The following TMPRSS7 variants were observed in gnomAD, a reference collection of about 807,000 sequenced individuals.
TMPRSS7 encodes the protein transmembrane protease serine 7.
In TMPRSS7, 81 loss-of-function variants were observed where a neutral mutation model predicts 95.6. The ratio of observed to expected loss-of-function variants is 0.85; its 90% CI spans 0.71 to 1.02. The LOEUF (loss-of-function observed/expected upper bound fraction) is 1.02, where lower values mean the gene tolerates loss of function less well. Among genes scored for constraint, TMPRSS7 ranks in the 50% least tolerant of loss-of-function variants. The pLI is 0.00. For missense variants in TMPRSS7, 945 were observed against 955.2 expected (o/e 0.99, Z 0.14); for synonymous variants, 364 against 337.8 (o/e 1.08, Z -0.85).
At chr3:112,042,878 C>A in intron 3 of TMPRSS7, 1 of 388,176 alleles carries the variant, frequency 2.6e-6, no homozygotes, top group South Asian at 1.9e-5. Context: ...TGGCTCTTGG[C>A]ACATATTACC....
intron 9 of TMPRSS7, among the ~76,000 whole-genome samples, chr3:112,052,383 T>A (rs2073375727): frequency 6.6e-6 from 1 of 151,704 alleles, no homozygotes; most frequent in South Asian, 2.1e-4. Flanking sequence ...TTGTGCATAG[T>A]CATAATAGTT....
In TMPRSS7 at chr3:112,047,979, G is replaced by T; in HGVS notation, c.959+12G>T. On this transcript the variant is annotated intron_variant, in intron 7 of 17. Coordinates refer to ENST00000452346, the Ensembl canonical transcript of TMPRSS7. Reference sequence around the variant, plus strand: ...AGCATCTTGTACAGGTACGATGCAGGTACTCTTCTTGGTGGGTAAAAATAT... The same window carrying T: ...AGCATCTTGTACAGGTACGATGCAGTTACTCTTCTTGGTGGGTAAAAATAT... 1 of 1,605,570 alleles carries T rather than the reference G, an allele frequency of 6.2e-7. No individual in the cohort carries two copies. Among genetic ancestry groups the T allele is most frequent in the Non-Finnish European group, 8.5e-7 (1 of 1,172,404 alleles).
At chr3:112,052,965 T>G (rs1432340186) in intron 9 of TMPRSS7, among the ~76,000 whole-genome samples, 1 of 151,388 alleles carries the variant, frequency 6.6e-6, no homozygotes, top group Non-Finnish European at 1.5e-5. Context: ...GACATCCCAG[T>G]GAGCAAGTGA....
chr3:112,051,668 CA>C (rs1198835587), intron 9 of TMPRSS7, among the ~76,000 whole-genome samples: 1 of 127,998 alleles, frequency 7.8e-6, no homozygotes, highest in Non-Finnish European at 1.6e-5. Flanking sequence ...ATCTATCTAT[CA>C]TCTATCTATC....
exon 11 of TMPRSS7, chr3:112,061,915 T>C: frequency 6.2e-7 from 1 of 1,608,866 alleles, no homozygotes; most frequent in South Asian, 1.1e-5. Flanking sequence ...AGTTACAACA[T>C]CAGTCAACGT....
intron 7 of TMPRSS7, 84 bp from the exon 8 acceptor site, chr3:112,049,760 A>T: frequency 8.4e-7 from 1 of 1,190,784 alleles, no homozygotes; most frequent in South Asian, 2.1e-5. Flanking sequence ...ATGGCCCAGG[A>T]AATGTGTGGA....
At chr3:112,068,147 T>G (rs929841474) in intron 13 of TMPRSS7, among the ~76,000 whole-genome samples, 2 of 152,202 alleles carry the variant, frequency 1.3e-5, no homozygotes, top group Non-Finnish European at 2.9e-5. Flanking sequence ...ATGTGTGGTG[T>G]TATTTCTGAG....
Position 112,074,292 on chromosome 3 carries a change from T to C in TMPRSS7, c.1667-4T>C. 1 of 1,603,300 alleles carries C rather than the reference T, an allele frequency of 6.2e-7. No individual in the cohort carries two copies. Among genetic ancestry groups the C allele is most frequent in the Non-Finnish European group, 8.5e-7 (1 of 1,170,984 alleles). ...AAGCTGTTTCTTCTTTTGTCCATTG[T>C]TAGGTATTCCATGCAACAACAGAAC... On this transcript the variant is annotated splice_region_variant and splice_polypyrimidine_tract_variant and intron_variant, in intron 13 of 17. Transcript: ENST00000452346.
At chr3:112,051,265 A>G (rs1576104661) in intron 9 of TMPRSS7, among the ~76,000 whole-genome samples, 1 of 152,220 alleles carries the variant, frequency 6.6e-6, no homozygotes, top group South Asian at 2.1e-4. Context: ...ATAAAAAACA[A>G]TACAATATAA....
rs992079982 is a variant in TMPRSS7, at chr3:112,063,642, C to A, written c.1555+10C>A. ...GATGAACTGTTTTGCGGTGGGTATT[C>A]AAGATTTTAATATGACTTTCTTATG... is the stretch of plus-strand genomic sequence containing the variant. On this transcript the variant is annotated intron_variant, in intron 12 of 17. Coordinates refer to ENST00000452346, the Ensembl canonical transcript of TMPRSS7. The A allele has an allele frequency of 1.9e-6, 3 of 1,605,928 alleles. No individual in the cohort carries two copies. The African/African-American group carries it at 4.0e-5, about 22-fold the overall frequency.
chr3:112,069,312 T>A (rs1001279609), intron 13 of TMPRSS7, among the ~76,000 whole-genome samples: 4 of 143,496 alleles, frequency 2.8e-5, no homozygotes, highest in Non-Finnish European at 5.9e-5. Flanking sequence ...TCTGCCAGGC[T>A]TTGGTATCAG....
intron 15 of TMPRSS7, 56 bp downstream of exon 15, chr3:112,075,548 T>C (rs2073701941): frequency 7.6e-7 from 1 of 1,310,636 alleles, no homozygotes; most frequent in East Asian, 2.8e-5. Flanking sequence ...AGACAATATA[T>C]CTGCCCTCAA....
At chr3:112,050,908 A>G in intron 9 of TMPRSS7, 125 bp downstream of exon 9, 1 of 534,306 alleles carries the variant, frequency 1.9e-6, no homozygotes, top group East Asian at 3.2e-5. Context: ...TATTATTGAA[A>G]TATATTATTT....
chr3:112,071,453 T>G (rs2073644706), intron 13 of TMPRSS7, among the ~76,000 whole-genome samples: 1 of 152,192 alleles, frequency 6.6e-6, no homozygotes, highest in Admixed American at 6.5e-5. Flanking sequence ...GGAGTATCTT[T>G]GTGGTGTTCT....
chr3:112,073,089 CTTTTTT>C (rs1156538909), intron 13 of TMPRSS7, among the ~76,000 whole-genome samples: 45 of 128,462 alleles, frequency 3.5e-4, no homozygotes, highest in African/African-American at 1.2e-3. Flanking sequence ...TGTTTCCTGA[CTTTTTT>C]TTTTTTTTTT....
At chr3:112,036,276 A>G (rs552591147) in intron 1 of TMPRSS7, among the ~76,000 whole-genome samples, 2 of 152,288 alleles carry the variant, frequency 1.3e-5, no homozygotes, top group African/African-American at 2.4e-5. Flanking sequence ...CACATATACT[A>G]AAAGGACTGT....
chr3:112,060,098 C>T (rs918278588), intron 10 of TMPRSS7, among the ~76,000 whole-genome samples: 2 of 152,044 alleles, frequency 1.3e-5, no homozygotes, highest in Non-Finnish European at 2.9e-5. Flanking sequence ...CCCCACAAGC[C>T]GCAAAAGCAG....
chr3:112,068,203 C>A (rs556582790), intron 13 of TMPRSS7, among the ~76,000 whole-genome samples: 14 of 152,110 alleles, frequency 9.2e-5, no homozygotes, highest in Non-Finnish European at 2.1e-4. Context: ...TTGGTACCAG[C>A]ACCATGCTGT....
At position 112,038,759 on chromosome 3, in the gene TMPRSS7, G is replaced by T. The variant is rs1268508522; in HGVS notation, c.298+438G>T. Reference sequence around the variant, plus strand: ...GGCCTTCCAAAGTGCTAGGATTACAGGCGTGAACCATGGTGCCCGGCCTGG... The same window carrying T: ...GGCCTTCCAAAGTGCTAGGATTACATGCGTGAACCATGGTGCCCGGCCTGG... On this transcript the variant is annotated intron_variant, in intron 2 of 17. Coordinates refer to ENST00000452346, the Ensembl canonical transcript of TMPRSS7. Among the ~76,000 whole-genome samples the T allele has an allele frequency of 4.6e-5, 7 of 152,216 alleles. 1 individual carries two copies. The South Asian group carries it at 1.5e-3, about 32-fold the overall frequency.
Sources: allele counts gnomAD v4.1 joint callset (sites outside exome capture counted in the v4.1 genomes callset), GRCh38; gene constraint gnomAD v4.1.1; transcripts MANE v1.5; gene names NCBI Gene and HGNC (gene_info 2026-07-23, HGNC 2026-07-21).